The following ATP11B variants were observed in gnomAD, a reference collection of about 807,000 sequenced individuals.
The protein encoded by ATP11B is ATPase phospholipid transporting 11B (putative).
A neutral mutation model predicts 157.8 loss-of-function variants in ATP11B; 81 were observed. That is an observed-to-expected ratio of 0.51 (90% confidence interval 0.43 to 0.62). ATP11B has a LOEUF of 0.62. Ranked by LOEUF, ATP11B falls within the 20% of genes least tolerant of loss-of-function variation. The pLI is 0.00. For missense variants in ATP11B, 1,165 were observed against 1,402.2 expected, an observed-to-expected ratio of 0.83 and a Z score of 2.70; for synonymous variants, 451 against 469.4, an observed-to-expected ratio of 0.96 and a Z score of 0.51.
chr3:182,912,449 T>C (rs757708818), intron 28 of ATP11B, among the ~76,000 whole-genome samples: 25 of 127,024 alleles, frequency 2.0e-4, no homozygotes, highest in African/African-American at 5.8e-4. Context: ...ACTGACCCCC[T>C]TTTTTTTTTT....
intron 28 of ATP11B, among the ~76,000 whole-genome samples, chr3:182,904,298 G>A (rs796469403): frequency 6.0e-4 from 91 of 152,278 alleles, no homozygotes; most frequent in African/African-American, 2.0e-3. Context: ...GCAAAAAGAA[G>A]AAATACTGTG....
chr3:182,839,686 T>C (rs1236018458), intron 7 of ATP11B, among the ~76,000 whole-genome samples: 1 of 152,032 alleles, frequency 6.6e-6, no homozygotes, highest in East Asian at 1.9e-4. Flanking sequence ...CTTAGCTCAC[T>C]GCAACCCCCG....
intron 4 of ATP11B, among the ~76,000 whole-genome samples, chr3:182,833,090 G>A (rs369247245): frequency 6.6e-6 from 1 of 151,824 alleles, no homozygotes; most frequent in East Asian, 1.9e-4. Context: ...TACCATATAG[G>A]AAAATAAAAC....
At chr3:182,871,819 C>CT (rs745352501) in intron 17 of ATP11B, among the ~76,000 whole-genome samples, 217 of 145,240 alleles carry the variant, frequency 1.5e-3, no homozygotes, top group South Asian at 2.2e-3. Flanking sequence ...TTTTGAGCAA[C>CT]TTTTTTTTTT....
intron 1 of ATP11B, among the ~76,000 whole-genome samples, chr3:182,795,098 T>C (rs1715519326): frequency 6.6e-6 from 1 of 152,200 alleles, no homozygotes; most frequent in East Asian, 1.9e-4. Flanking sequence ...GTTGGGTCTC[T>C]GTTTTTAGCA....
intron 12 of ATP11B, among the ~76,000 whole-genome samples, chr3:182,862,279 TA>T (rs1157886585): frequency 1.3e-3 from 172 of 136,426 alleles, no homozygotes; most frequent in African/African-American, 3.1e-3. Flanking sequence ...AAACCCTGTC[TA>T]AAAAAAAAAA....
At position 182,920,239 on chromosome 3, in the gene ATP11B, A is replaced by AAGTT. The variant is rs1214022286; in HGVS notation, c.*2141_*2144dup. 3.9e-5 allele frequency: 6 copies of AAGTT among 152,178 alleles called. No homozygotes were observed. Among genetic ancestry groups the AAGTT allele is most frequent in the African/African-American group, 1.2e-4 (5 of 41,438 alleles). The allele number at this position is 152,178 out of a possible 1,614,324, so 9.4% of individuals were successfully genotyped here. A position where few individuals can be genotyped will look rare whatever the true frequency, so the allele number is the denominator to read the frequency against. ...TGTAATTTTCTGTACTCACCATTTGAAGTTAGTTAAGGAGAACTTTATTTT... is the reference window on the plus strand; with the variant it reads ...TGTAATTTTCTGTACTCACCATTTGAAGTTAGTTAGTTAAGGAGAACTTTATTTT... On this transcript the variant is annotated 3_prime_UTR_variant, in exon 30 of 30. Coordinates refer to ENST00000323116, the MANE Select transcript of ATP11B (RefSeq NM_014616.3).
intron 20 of ATP11B, 29 bp downstream of exon 20, chr3:182,879,678 A>G: frequency 7.0e-6 from 11 of 1,572,312 alleles, no homozygotes; most frequent in Non-Finnish European, 9.5e-6. Flanking sequence ...AAAAAGTCCC[A>G]TAAAGCTATT....
chr3:182,818,916 T>TAAAAAAAA (rs759403280), intron 1 of ATP11B, among the ~76,000 whole-genome samples: 1 of 124,160 alleles, frequency 8.1e-6, no homozygotes, highest in Admixed American at 8.7e-5. Context: ...GACCACTATG[T>TAAAAAAAA]AAAAAAAAAA....
chr3:182,875,238 T>C (rs2030585), intron 19 of ATP11B, among the ~76,000 whole-genome samples: 97,962 of 152,006 alleles, frequency 0.64, 33,585 homozygotes, highest in Non-Finnish European at 0.78. Flanking sequence ...TGTTGTTTGC[T>C]GTCTTGTGAT....
chr3:182,860,961 A>T (rs536948681), intron 12 of ATP11B, among the ~76,000 whole-genome samples: 2 of 152,236 alleles, frequency 1.3e-5, no homozygotes, highest in Admixed American at 6.5e-5. Flanking sequence ...CTATAATGTG[A>T]TATATGCGTT....
At chr3:182,802,362 G>A (rs947953797) in intron 1 of ATP11B, among the ~76,000 whole-genome samples, 12 of 152,076 alleles carry the variant, frequency 7.9e-5, no homozygotes, top group African/African-American at 2.9e-4. Context: ...CTCTGCCTAA[G>A]ATTTTCCAAG....
rs554832537 is a variant in ATP11B at position 182,920,268 on chromosome 3, A to T, written c.*2164A>T. 5.9e-5 allele frequency: 9 copies of T among 152,276 alleles called. No homozygotes were observed. The highest frequency in any genetic ancestry group is 3.4e-3 in the Middle Eastern group (1 of 294). 9.4% of individuals were successfully genotyped at this position (152,276 alleles called of 1,614,324 possible). ...TAGTTAAGGAGAACTTTATTTTTTT[A>T]AAAAAAGTAAATGGCAACCACTAGT... On this transcript the variant is annotated 3_prime_UTR_variant, in exon 30 of 30. Transcript: ENST00000323116.
chr3:182,814,949 TGA>T (rs1716886255), intron 1 of ATP11B, among the ~76,000 whole-genome samples: 1 of 152,118 alleles, frequency 6.6e-6, no homozygotes, highest in South Asian at 2.1e-4. Context: ...CTCTGGGGAA[TGA>T]GGGGCATCAG....
Position 182,836,485 on chromosome 3 carries a change from G to A in ATP11B, c.552+15G>A, listed in dbSNP as rs1560075068. The A allele has an allele frequency of 1.2e-6, 2 of 1,613,730 alleles. No homozygotes were observed. The highest frequency in any genetic ancestry group is 1.7e-5 in the Admixed American group (1 of 59,994). On this transcript the variant is annotated intron_variant, in intron 6 of 29. Coordinates refer to ENST00000323116, the MANE Select transcript of ATP11B (RefSeq NM_014616.3). ...CTAACCTGAAGGTTTGCTTGCATATGTTTGAGTATTGCTCTTGGTGAACAA... is the reference window on the plus strand; with the variant it reads ...CTAACCTGAAGGTTTGCTTGCATATATTTGAGTATTGCTCTTGGTGAACAA...
chr3:182,794,624 C>T (rs1364557934), intron 1 of ATP11B, among the ~76,000 whole-genome samples: 3 of 152,120 alleles, frequency 2.0e-5, no homozygotes, highest in Non-Finnish European at 4.4e-5. Context: ...AGAAAAGGGT[C>T]ATTTAAGGCC....
intron 28 of ATP11B, chr3:182,908,392 C>T (rs767469343): frequency 7.3e-5 from 11 of 151,610 alleles, no homozygotes; most frequent in Non-Finnish European, 1.6e-4. Flanking sequence ...GACAGGGTTT[C>T]GCGTTGTTGG....
intron 28 of ATP11B, among the ~76,000 whole-genome samples, chr3:182,903,625 T>C (rs1724125825): frequency 6.6e-6 from 1 of 152,218 alleles, no homozygotes; most frequent in South Asian, 2.1e-4. Context: ...AATGGGTGTT[T>C]AAGTTGTAGT....
intron 14 of ATP11B, 134 bp from the exon 15 acceptor site, chr3:182,867,242 A>G: frequency 3.1e-6 from 2 of 645,156 alleles, no homozygotes; most frequent in Non-Finnish European, 5.2e-6. Context: ...AAGTTGTAAT[A>G]TTAAAAGGAA....
Sources: gnomAD v4.1 joint callset for allele counts (sites outside exome capture counted in the v4.1 genomes callset) on GRCh38, gnomAD v4.1.1 for gene constraint, MANE v1.5 for transcripts, NCBI Gene and HGNC (gene_info 2026-07-23, HGNC 2026-07-21) for gene names.